TP63: variants seen among roughly 807,000 people sequenced by gnomAD.
TP63 encodes tumor protein 63.
In TP63, 17 loss-of-function variants were observed where a neutral mutation model predicts 82.8. The observed-to-expected ratio is 0.21, with a 90% CI of 0.14 to 0.31. TP63 has a LOEUF of 0.31. Ranked by LOEUF, TP63 falls within the 10% of genes least tolerant of loss-of-function variation. The pLI, the probability that TP63 is intolerant of heterozygous loss-of-function variation, is 1.00. For missense variants in TP63, 648 were observed against 895.3 expected (o/e 0.72, Z 3.52); for synonymous variants, 330 against 321.7 (o/e 1.03, Z -0.28).
intron 1 of TP63, among the ~76,000 whole-genome samples, chr3:189,735,603 G>T (rs1720521435): frequency 6.6e-6 from 1 of 152,046 alleles, no homozygotes; most frequent in Non-Finnish European, 1.5e-5. Flanking sequence ...AATTGACTTT[G>T]TCCCTATCAT....
chr3:189,677,206 G>A (rs1034861553), intron 1 of TP63, among the ~76,000 whole-genome samples: 8 of 150,838 alleles, frequency 5.3e-5, no homozygotes, highest in African/African-American at 1.9e-4. Flanking sequence ...GTTTGTGTGT[G>A]TGTGTGTGTA....
chr3:189,737,591 A>C, intron 1 of TP63, 149 bp from the exon 2 acceptor site: 5 of 996,978 alleles, frequency 5.0e-6, no homozygotes, highest in Non-Finnish European at 7.3e-6. Context: ...AGAAATGCCA[A>C]TTGTGCAACT....
chr3:189,813,050 G>C (rs1727747055), intron 4 of TP63, among the ~76,000 whole-genome samples: 1 of 152,076 alleles, frequency 6.6e-6, no homozygotes, highest in African/African-American at 2.4e-5. Context: ...AGCAGATGTA[G>C]GCTCTCCTTG....
chr3:189,887,543 T>G (rs1720583550), intron 11 of TP63, among the ~76,000 whole-genome samples: 1 of 152,176 alleles, frequency 6.6e-6, no homozygotes, highest in African/African-American at 2.4e-5. Flanking sequence ...ATAGCTTTAC[T>G]ATAAATATAA....
chr3:189,804,953 T>C, intron 3 of TP63, among the ~76,000 whole-genome samples: 1 of 152,258 alleles, frequency 6.6e-6, no homozygotes, highest in East Asian at 1.9e-4. Flanking sequence ...TATACCTTTA[T>C]GTTATATTAA....
chr3:189,734,026 T>C (rs1003739241), intron 1 of TP63, among the ~76,000 whole-genome samples: 4 of 151,972 alleles, frequency 2.6e-5, no homozygotes, highest in South Asian at 2.1e-4. Context: ...TTTCTTCCTT[T>C]CTTTCTTTTC....
At chr3:189,753,729 G>C (rs1020011945) in intron 3 of TP63, among the ~76,000 whole-genome samples, 2 of 151,824 alleles carry the variant, frequency 1.3e-5, no homozygotes, top group Non-Finnish European at 2.9e-5. Flanking sequence ...TCCCTCCTGT[G>C]CTCCTCCCTT....
In TP63 at chr3:189,647,841, T is replaced by C. The variant is rs1712552602; in HGVS notation, c.62+16264T>C. ...TAAAAATCATGAGATTCAAAACAAGTGACTAAAAAGTATGCGTACATTTTA... is the reference window on the plus strand; with the variant it reads ...TAAAAATCATGAGATTCAAAACAAGCGACTAAAAAGTATGCGTACATTTTA... On this transcript the variant is annotated intron_variant, in intron 1 of 13. Transcript: ENST00000264731. Among the ~76,000 whole-genome samples the C allele has an allele frequency of 1.4e-5, 2 of 146,568 alleles. 1 individual carries two copies. Among genetic ancestry groups the C allele is most frequent in the South Asian group, 4.5e-4 (2 of 4,448 alleles).
chr3:189,629,752 G>C (rs1729396632), upstream of TP63, among the ~76,000 whole-genome samples: 1 of 152,184 alleles, frequency 6.6e-6, no homozygotes, highest in Non-Finnish European at 1.5e-5. Flanking sequence ...CTCTGCACTA[G>C]AAATCTTCAC....
At chr3:189,741,673 G>A (rs73197818) in intron 3 of TP63, among the ~76,000 whole-genome samples, 27,072 of 152,062 alleles carry the variant, frequency 0.18, 2,902 homozygotes, top group Middle Eastern at 0.26. Flanking sequence ...TAGAAATCTC[G>A]AAATTGAGAA....
At chr3:189,627,862 C>T (rs990475106), upstream of TP63, among the ~76,000 whole-genome samples, 3 of 152,042 alleles carry the variant, frequency 2.0e-5, no homozygotes, top group East Asian at 1.9e-4. Flanking sequence ...TTGGAATTGG[C>T]GAATTTCATT....
chr3:189,693,611 T>C (rs1717115136), intron 1 of TP63, among the ~76,000 whole-genome samples: 1 of 152,212 alleles, frequency 6.6e-6, no homozygotes, highest in Non-Finnish European at 1.5e-5. Context: ...TTATTCTGAA[T>C]TTGTGCTACT....
rs190996407 is a variant in TP63, at chr3:189,647,856, C to T, written c.62+16279C>T. 1.7e-4 allele frequency among the ~76,000 whole-genome samples: 25 copies of T among 146,778 alleles called. 8 individuals carry two copies. The highest frequency in any genetic ancestry group is 6.0e-4 in the Admixed American group (9 of 14,902). ...TCAAAACAAGTGACTAAAAAGTATG[C>T]GTACATTTTAAAGATAATGTTATTT... On this transcript the variant is annotated intron_variant, in intron 1 of 13. Coordinates refer to ENST00000264731, the MANE Select transcript of TP63 (RefSeq NM_003722.5).
intron 1 of TP63, among the ~76,000 whole-genome samples, chr3:189,710,731 G>C (rs2108753850): frequency 6.6e-6 from 1 of 152,242 alleles, no homozygotes; most frequent in South Asian, 2.1e-4. Flanking sequence ...GGAAGGAGGG[G>C]TGATTCAACA....
intron 3 of TP63, among the ~76,000 whole-genome samples, chr3:189,758,705 C>G (rs913071615): frequency 5.9e-5 from 9 of 152,190 alleles, no homozygotes; most frequent in African/African-American, 2.2e-4. Flanking sequence ...TCTGCGGAGG[C>G]AAGAGTTGAG....
rs1283555467 is a variant in TP63, at chr3:189,742,891, G to T, written c.324+4117G>T. On this transcript the variant is annotated intron_variant, in intron 3 of 13. Transcript: ENST00000264731. ...AGATTGGCAACACATTGCAGAGAAG[G>T]TAATTTTTTTATTTAGGCCTTAAAA... Among the ~76,000 whole-genome samples the T allele has an allele frequency of 2.0e-5, 3 of 152,104 alleles. No homozygotes were observed. In the South Asian group the frequency reaches 6.2e-4, roughly 31 times the overall value.
chr3:189,695,320 T>C (rs1014394505), intron 1 of TP63, among the ~76,000 whole-genome samples: 2 of 152,292 alleles, frequency 1.3e-5, no homozygotes, highest in Admixed American at 6.5e-5. Flanking sequence ...GTCCCTTTGA[T>C]ATACTCATAT....
At chr3:189,615,479 T>C in the TP63 span, among the ~76,000 whole-genome samples, 1 of 152,262 alleles carries the variant, frequency 6.6e-6, no homozygotes, top group Non-Finnish European at 1.5e-5. Context: ...CACATTAACA[T>C]AATTTTGTGT....
intron 3 of TP63, among the ~76,000 whole-genome samples, chr3:189,767,260 T>G (rs1172850199): frequency 6.6e-6 from 1 of 152,106 alleles, no homozygotes; most frequent in Admixed American, 6.6e-5. Context: ...TTGAACCAGT[T>G]TCTCATCCAG....
Sources: allele counts gnomAD v4.1 joint callset (sites outside exome capture counted in the v4.1 genomes callset), GRCh38; gene constraint gnomAD v4.1.1; transcripts MANE v1.5; gene names NCBI Gene and HGNC (gene_info 2026-07-23, HGNC 2026-07-21).